AJUBA: variants seen among roughly 807,000 people sequenced by gnomAD.
The protein encoded by AJUBA is LIM domain-containing protein ajuba.
In AJUBA, 20 loss-of-function variants were observed where a neutral mutation model predicts 53.3. That is an observed-to-expected ratio of 0.38 (90% confidence interval 0.26 to 0.55). The LOEUF (loss-of-function observed/expected upper bound fraction) is 0.55, where lower values mean the gene tolerates loss of function less well. Among genes scored for constraint, AJUBA ranks in the 20% least tolerant of loss-of-function variants. The probability of loss-of-function intolerance (pLI) is 0.80; values close to 1 mark genes in which losing one functional copy is unlikely to be tolerated. For synonymous variants in AJUBA, 296 were observed against 306.2 expected (o/e 0.97, Z 0.35); for missense variants, 580 against 730.5 (o/e 0.79, Z 2.38).
At chr14:22,973,677 GA>G in intron 7 of AJUBA, 109 bp from the exon 8 acceptor site, 1 of 1,453,152 alleles carries the variant, frequency 6.9e-7, no homozygotes. Flanking sequence ...GGAAGAAAGG[GA>G]TGGGGTGGGA....
At chr14:22,980,322 G>A (rs1298919131) in intron 1 of AJUBA, among the ~76,000 whole-genome samples, 1 of 152,166 alleles carries the variant, frequency 6.6e-6, no homozygotes, top group Non-Finnish European at 1.5e-5. Flanking sequence ...CCTCATAGCT[G>A]AGACATATAA....
At chr14:22,981,086 C>G (rs943379923) in intron 1 of AJUBA, among the ~76,000 whole-genome samples, 175 bp downstream of exon 1, 2 of 152,130 alleles carry the variant, frequency 1.3e-5, no homozygotes, top group African/African-American at 2.4e-5. Flanking sequence ...CATCTGAAAA[C>G]TAGCAGGAAG....
chr14:22,982,176 G>C lies in AJUBA; in HGVS notation c.91C>G (p.Pro31Ala). Residue 31 changes from proline to alanine, a missense_variant, in exon 1 of 8, where the codon CCC becomes GCC. Pro to Ala is a conservative substitution (Grantham distance 27, BLOSUM62 -1). Coordinates refer to ENST00000262713, the MANE Select transcript of AJUBA (RefSeq NM_032876.6). The stretch of plus-strand genomic sequence containing the variant: ...CTTAGGCGCCCCTTGCCCGGCCCGG[G>C]GGTCCCGTCAGACCCAGACCGGCTA... ...ESSRSGSDGTPGPGKGRLSGL... is the reference protein window; with the variant it reads ...ESSRSGSDGTAGPGKGRLSGL... The C allele has an allele frequency of 6.2e-7, 1 of 1,613,508 alleles. No individual in the cohort carries two copies. Among genetic ancestry groups the C allele is most frequent in the African/African-American group, 1.3e-5 (1 of 74,994 alleles).
chr14:22,973,126 C>G lies in AJUBA; in HGVS notation c.*317G>C, dbSNP rs181506615. On this transcript the variant is annotated 3_prime_UTR_variant, in exon 8 of 8. Transcript: ENST00000262713. ...TGGGCAACATGGTGAGATCCCATCT[C>G]TAAAACAAACAAAATATATATACTG... The G allele has an allele frequency of 1.5e-3, 452 of 307,876 alleles. 1 individual carries two copies. Among genetic ancestry groups the G allele is most frequent in the Non-Finnish European group, 2.2e-3 (362 of 161,658 alleles). 19.1% of individuals were successfully genotyped at this position (307,876 alleles called of 1,614,324 possible).
chr14:22,978,921 C>G lies in AJUBA; in HGVS notation c.1007-476G>C, dbSNP rs529324499. The G allele has an allele frequency of 2.8e-5, 36 of 1,288,434 alleles. No homozygotes were observed. In the African/African-American group the frequency reaches 5.2e-4, roughly 18 times the overall value. The allele number at this position is 1,288,434 out of a possible 1,614,324, so 79.8% of individuals were successfully genotyped here. A position where few individuals can be genotyped will look rare whatever the true frequency, so the allele number is the denominator to read the frequency against. On this transcript the variant is annotated intron_variant, in intron 1 of 7. Coordinates refer to ENST00000262713, the MANE Select transcript of AJUBA (RefSeq NM_032876.6). ...TCTGGGACTTCAGTTTCCCATCAGT[C>G]AAACGAGCTGTTCAGTTATAGAATG...
At chr14:22,976,328 G>T (rs747184863) in intron 4 of AJUBA, 128 bp downstream of exon 4, 11 of 986,970 alleles carry the variant, frequency 1.1e-5, no homozygotes, top group Non-Finnish European at 1.8e-5. Flanking sequence ...CTCTGGGGAG[G>T]AATGGGATGA....
rs1213436576 is a variant in AJUBA, at chr14:22,982,014, AGCGCGGCGCCTCAAAGGAGCCGC to A, written c.230_252del (p.Arg77LeufsTer39). ...GGCCCCGCGGGAAAAGAGCCTTCGT[AGCGCGGCGCCTCAAAGGAGCCGC>A]GCTGATTTCGCTCAGCGTCCAGGGA... On this transcript the variant is annotated frameshift_variant, in exon 1 of 8. Transcript: ENST00000262713. LOFTEE classifies it high-confidence loss of function. 1 of 1,587,636 alleles carries A rather than the reference AGCGCGGCGCCTCAAAGGAGCCGC, an allele frequency of 6.3e-7. No homozygotes were observed. Among genetic ancestry groups the A allele is most frequent in the African/African-American group, 1.4e-5 (1 of 73,052 alleles).
At position 22,982,525 on chromosome 14, in the gene AJUBA, T is replaced by C. The variant is rs1164391425; in HGVS notation, c.-259A>G. ...CGCGGCTGTCCAGTCCGCAGGTCTA[T>C]CTGTTCACGCGTCGACTCGCCCGAC... On this transcript the variant is annotated 5_prime_UTR_variant, in exon 1 of 8. Coordinates refer to ENST00000262713, the MANE Select transcript of AJUBA (RefSeq NM_032876.6). 5 of 1,360,338 alleles carry C rather than the reference T, an allele frequency of 3.7e-6. No individual in the cohort carries two copies. The East Asian group carries it at 9.4e-5, about 26-fold the overall frequency. The allele number at this position is 1,360,338 out of a possible 1,614,324, so 84.3% of individuals were successfully genotyped here.
Position 22,976,670 on chromosome 14 carries a change from G to A in AJUBA, c.1151C>T (p.Ser384Phe). ...RCKAFYSVNG[S>F]VYCEEDYLFS... ...CAGATAATCTTCCTCACAGTACACA[G>A]AGCCATTGACACTGTAGAAAGCCTT... The change falls in exon 3 of 8, where the codon TCT becomes TTT. Residue 384 changes from serine (S) to phenylalanine (F), a missense_variant. Ser to Phe is a radical substitution (Grantham distance 155, BLOSUM62 -2). Transcript: ENST00000262713. The A allele has an allele frequency of 6.2e-7, 1 of 1,614,034 alleles. No individual in the cohort carries two copies. The highest frequency in any genetic ancestry group is 8.5e-7 in the Non-Finnish European group (1 of 1,180,008).
chr14:22,981,671 C>G lies in AJUBA; in HGVS notation c.596G>C (p.Gly199Ala). ...AGAPAGYSPGGVPSAYPELHA... is the reference protein window; with the variant it reads ...AGAPAGYSPGAVPSAYPELHA... ...GAGCTCCGGGTAGGCGGACGGGACC[C>G]CTCCGGGAGAATAGCCTGCCGGTGC... The change falls in exon 1 of 8, where the codon GGG becomes GCG. Residue 199 changes from glycine to alanine, a missense_variant. This residue lies in a region of AJUBA where 430 missense variants were observed against 471.5 expected (regional missense o/e 0.91). Transcript: ENST00000262713. The G allele has an allele frequency of 2.0e-6, 3 of 1,515,164 alleles. No individual in the cohort carries two copies. Among genetic ancestry groups the G allele is most frequent in the Non-Finnish European group, 2.6e-6 (3 of 1,133,722 alleles). 93.9% of individuals were successfully genotyped at this position (1,515,164 alleles called of 1,614,324 possible).
chr14:22,976,933 C>T, intron 2 of AJUBA: 8 of 1,400,492 alleles, frequency 5.7e-6, no homozygotes, highest in Non-Finnish European at 4.6e-6. Flanking sequence ...GCTTGCTGCT[C>T]CTCCAGCTCC....
In AJUBA at chr14:22,975,244, G is replaced by A. The variant is rs1046780747; in HGVS notation, c.1240-140C>T. 16 of 1,241,238 alleles carry A rather than the reference G, an allele frequency of 1.3e-5. No homozygotes were observed. The African/African-American group carries it at 2.4e-4, about 19-fold the overall frequency. The allele number at this position is 1,241,238 out of a possible 1,614,324, so 76.9% of individuals were successfully genotyped here. A position where few individuals can be genotyped will look rare whatever the true frequency, so the allele number is the denominator to read the frequency against. ...AACAATGCTATGTAATGTCGGTGAA[G>A]AAGTCGTAAAATGGAGGCGGAGACC... On this transcript the variant is annotated intron_variant, in intron 4 of 7. Transcript: ENST00000262713.
chr14:22,975,306 G>A (rs1267762623), intron 4 of AJUBA: 5 of 597,948 alleles, frequency 8.4e-6, no homozygotes, highest in South Asian at 2.7e-5. Flanking sequence ...GGCCAGCAGT[G>A]TTTCACTCTG....
At position 22,979,322 on chromosome 14, in the gene AJUBA, C is replaced by T. The variant is rs941723; in HGVS notation, c.1007-877G>A. ...CTTTGGGGAGCAGATCCCAACGGGC[C>T]TGCCCCACCTCTCCCCCTCGGCACG... is the stretch of plus-strand genomic sequence containing the variant. On this transcript the variant is annotated intron_variant, in intron 1 of 7. Coordinates refer to ENST00000262713, the MANE Select transcript of AJUBA (RefSeq NM_032876.6). This position sits in a 1 kb window ranked among gnomAD's most constrained non-coding sequence, Gnocchi z 4.0. Among the ~76,000 whole-genome samples the T allele has an allele frequency of 1.3e-5, 2 of 152,234 alleles. No individual in the cohort carries two copies. Among genetic ancestry groups the T allele is most frequent in the Non-Finnish European group, 2.9e-5 (2 of 68,038 alleles).
chr14:22,976,882 A>G (rs1201026973), intron 2 of AJUBA, 170 bp from the exon 3 acceptor site: 12 of 1,417,878 alleles, frequency 8.5e-6, no homozygotes, highest in East Asian at 2.5e-5. Flanking sequence ...TGCAATTCCA[A>G]TTTGCTTTGG....
At position 22,973,378 on chromosome 14, in the gene AJUBA, C is replaced by A; in HGVS notation, c.*65G>T. ...GAGTGCATTCTTTGCCTTGGCTGGC[C>A]TCAGAGGGGCCCACTGGCCACAGCA... is the stretch of plus-strand genomic sequence containing the variant. On this transcript the variant is annotated 3_prime_UTR_variant, in exon 8 of 8. Coordinates refer to ENST00000262713, the MANE Select transcript of AJUBA (RefSeq NM_032876.6). 6.4e-7 allele frequency: 1 copy of A among 1,557,050 alleles called. No individual in the cohort carries two copies. The highest frequency in any genetic ancestry group is 8.7e-7 in the Non-Finnish European group (1 of 1,149,976).
Position 22,976,413 on chromosome 14 carries a change from C to T in AJUBA, c.1239+43G>A, listed in dbSNP as rs760263623. 19 of 1,595,328 alleles carry T rather than the reference C, an allele frequency of 1.2e-5. No individual in the cohort carries two copies. In the East Asian group the frequency reaches 2.2e-4, roughly 19 times the overall value. ...CCATTTAGTCCCTGATCCCGCTCCT[C>T]AGCCTCACAGTGAGACTTCTCAGCT... On this transcript the variant is annotated intron_variant, in intron 4 of 7. Coordinates refer to ENST00000262713, the MANE Select transcript of AJUBA (RefSeq NM_032876.6).
chr14:22,974,712 C>T (rs567218913), intron 6 of AJUBA, 127 bp downstream of exon 6: 111 of 1,129,290 alleles, frequency 9.8e-5, no homozygotes, highest in Admixed American at 1.5e-4. Flanking sequence ...CAGAGTCACA[C>T]GGGAATCTTC....
rs2045077401 is a variant in AJUBA at position 22,980,595 on chromosome 14, G to C, written c.1006+666C>G. ...ACTGGGTCTCTGATTAAATGCCCAC[G>C]CACGCACCTAGCCAACAGGACTGGG... On this transcript the variant is annotated intron_variant, in intron 1 of 7. Transcript: ENST00000262713. The C allele has an allele frequency of 7.1e-6, 7 of 985,356 alleles. 1 individual carries two copies. The South Asian group carries it at 3.3e-4, about 46-fold the overall frequency. 61.0% of individuals were successfully genotyped at this position (985,356 alleles called of 1,614,324 possible).
Sources: allele counts gnomAD v4.1 joint callset (sites outside exome capture counted in the v4.1 genomes callset), GRCh38; gene constraint gnomAD v4.1.1; regional missense constraint gnomAD v4.1.1; non-coding constraint Gnocchi (gnomAD v3.1); transcripts MANE v1.5; gene names NCBI Gene and HGNC (gene_info 2026-07-23, HGNC 2026-07-21).